Variants in UNC13A observed in about 807,000 individuals in gnomAD.
UNC13A encodes unc-13 homolog A, also known as protein unc-13 homolog A.
Under a neutral mutation model 219.7 loss-of-function variants are expected in UNC13A, and 61 were observed. The observed-to-expected ratio is 0.28, with a 90% CI of 0.23 to 0.34. The LOEUF is 0.34. UNC13A is among the 10% of genes least tolerant of loss of function. The pLI is 1.00. For missense variants in UNC13A, 1,476 were observed against 2,270.3 expected (o/e 0.65, Z 7.11); for synonymous variants, 920 against 884.6 (o/e 1.04, Z -0.71).
chr19:17,658,953 A>G (rs1286980309), intron 8 of UNC13A, among the ~76,000 whole-genome samples: 1 of 152,136 alleles, frequency 6.6e-6, no homozygotes, highest in East Asian at 1.9e-4. Context: ...TTCCTTAGAA[A>G]AAAGAACAGT....
intron 40 of UNC13A, 81 bp from the exon 41 acceptor site, chr19:17,617,930 A>G: frequency 6.5e-7 from 1 of 1,546,618 alleles, no homozygotes; most frequent in Non-Finnish European, 8.8e-7. Context: ...TGCTGTCCCC[A>G]CTCCCAATTC....
chr19:17,677,099 GGGA>G (rs2079913202), intron 1 of UNC13A, among the ~76,000 whole-genome samples: 1 of 152,072 alleles, frequency 6.6e-6, no homozygotes, highest in Non-Finnish European at 1.5e-5. Flanking sequence ...ACCTGCTTGT[GGGA>G]GGTGTAACCT....
At position 17,653,329 on chromosome 19, in the gene UNC13A, A is replaced by AATATATAT. The variant is rs58439414; in HGVS notation, c.1393-660_1393-653dup. Among the ~76,000 whole-genome samples, 861 of 148,588 alleles carry AATATATAT rather than the reference A, an allele frequency of 5.8e-3. 7 individuals carry two copies. The highest frequency in any genetic ancestry group is 0.016 in the African/African-American group (659 of 40,556). On this transcript the variant is annotated intron_variant, in intron 11 of 43. Transcript: ENST00000519716. ...GCCACCACACTCAGCTCCTGAAATA[A>AATATATAT]ATATATATATATATATTTTGTTTGT...
intron 29 of UNC13A, 89 bp from the exon 30 acceptor site, chr19:17,630,377 C>A: frequency 6.6e-7 from 1 of 1,509,440 alleles, no homozygotes; most frequent in South Asian, 1.3e-5. Context: ...CGGGGAGAGC[C>A]AGAGACCAAT....
At chr19:17,678,278 A>G (rs2079938798) in intron 1 of UNC13A, among the ~76,000 whole-genome samples, 2 of 152,208 alleles carry the variant, frequency 1.3e-5, no homozygotes, top group Admixed American at 6.5e-5. Flanking sequence ...CAGGAGTTCG[A>G]GACCAGCCTG....
intron 43 of UNC13A, among the ~76,000 whole-genome samples, chr19:17,608,700 T>G (rs945139783): frequency 6.6e-6 from 1 of 151,326 alleles, no homozygotes; most frequent in Admixed American, 6.6e-5. Context: ...GTATTTTTAG[T>G]AGAGACGGGG....
chr19:17,683,940 A>G (rs1282082000), intron 1 of UNC13A, among the ~76,000 whole-genome samples: 2 of 151,980 alleles, frequency 1.3e-5, no homozygotes, highest in African/African-American at 4.8e-5. Context: ...AATTAAAAAG[A>G]AAAAAGTCAG....
At chr19:17,647,533 G>C in intron 16 of UNC13A, 41 bp from the exon 17 acceptor site, 1 of 1,581,936 alleles carries the variant, frequency 6.3e-7, no homozygotes. Flanking sequence ...AGCGCGCCCT[G>C]CATAGTGGCC....
At chr19:17,618,588 G>A in intron 39 of UNC13A, 87 bp from the exon 40 acceptor site, 2 of 1,341,652 alleles carry the variant, frequency 1.5e-6, no homozygotes, top group Non-Finnish European at 2.1e-6. Flanking sequence ...TGTTCAACTT[G>A]GAGGAGCTGG....
intron 7 of UNC13A, among the ~76,000 whole-genome samples, chr19:17,663,864 C>T (rs572477735): frequency 9.1e-4 from 139 of 152,132 alleles, no homozygotes; most frequent in African/African-American, 3.0e-3. Context: ...GGTGCAATCA[C>T]GGCTTACTGC....
In UNC13A at chr19:17,688,189, A is replaced by G. The variant is rs1415013292; in HGVS notation, c.11T>C (p.Leu4Pro). 2 of 1,517,568 alleles carry G rather than the reference A, an allele frequency of 1.3e-6. No individual in the cohort carries two copies. The highest frequency in any genetic ancestry group is 1.8e-6 in the Non-Finnish European group (2 of 1,133,114). The allele number at this position is 1,517,568 out of a possible 1,614,324, so 94.0% of individuals were successfully genotyped here. The change falls in exon 1 of 44, where the codon CTT becomes CCT. Residue 4 changes from leucine to proline, a missense_variant. By Grantham distance (98) the Leu-to-Pro change is moderately conservative. Coordinates refer to ENST00000519716, the MANE Select transcript of UNC13A (RefSeq NM_001080421.3). MSL[L>P]CVGVKKAKFD... ...GCCTCGCCTCCTACCTCCAACGCAA[A>G]GCAGAGACATGTCTCCGAGCTCGCA...
intron 21 of UNC13A, among the ~76,000 whole-genome samples, chr19:17,640,953 A>G (rs747196261): frequency 7.0e-6 from 1 of 143,672 alleles, no homozygotes; most frequent in Non-Finnish European, 1.5e-5. Context: ...ATCTCGGCTC[A>G]CTGCAACCCC....
intron 28 of UNC13A, among the ~76,000 whole-genome samples, chr19:17,632,178 T>C (rs1034937476): frequency 1.6e-4 from 24 of 152,344 alleles, no homozygotes; most frequent in African/African-American, 5.5e-4. Context: ...CCCAAAGTGC[T>C]GAGATTACAG....
intron 6 of UNC13A, among the ~76,000 whole-genome samples, 175 bp from the exon 7 acceptor site, chr19:17,666,879 CACGAGAGAGAGA>C (rs776413683): frequency 0.04 from 4,603 of 116,406 alleles, 84 homozygotes; most frequent in Non-Finnish European, 0.057. Flanking sequence ...CACACACACA[CACGAGAGAGAGA>C]GAGAGAGAGA....
rs146961647 is a variant in UNC13A at position 17,660,766 on chromosome 19, A to G, written c.560-2497T>C. On this transcript the variant is annotated intron_variant, in intron 8 of 43. Transcript: ENST00000519716. Reference sequence around the variant, plus strand: ...AGGCTGGTCTCGAACTCCTGACCTCAAGTGATCTGCCTACCTCGGCCTCCC... The same window carrying G: ...AGGCTGGTCTCGAACTCCTGACCTCGAGTGATCTGCCTACCTCGGCCTCCC... Among the ~76,000 whole-genome samples, 578 of 151,904 alleles carry G rather than the reference A, an allele frequency of 3.8e-3. 9 individuals carry two copies. Among genetic ancestry groups the G allele is most frequent in the East Asian group, 0.03 (157 of 5,170 alleles).
chr19:17,611,135 G>A (rs918159727), intron 42 of UNC13A, among the ~76,000 whole-genome samples: 1 of 152,186 alleles, frequency 6.6e-6, no homozygotes, highest in South Asian at 2.1e-4. Context: ...ATATCAGCTC[G>A]AGGCTGGTTG....
chr19:17,618,339 C>G, intron 40 of UNC13A, 82 bp downstream of exon 40: 2 of 1,407,318 alleles, frequency 1.4e-6, no homozygotes, highest in East Asian at 5.0e-5. Context: ...AATGTGGGTC[C>G]GAGGCGAGCC....
rs762949771 is a variant in UNC13A, at chr19:17,629,228, C to T, written c.3753+12G>A. 13 of 1,601,672 alleles carry T rather than the reference C, an allele frequency of 8.1e-6. No homozygotes were observed. Among genetic ancestry groups the T allele is most frequent in the Non-Finnish European group, 1.1e-5 (13 of 1,174,832 alleles). ...TGAGGAGGGAGATAGGTCAGGGGCC[C>T]CCTCAGGTCACCACTTTCTCCTTCT... On this transcript the variant is annotated intron_variant, in intron 31 of 43. Transcript: ENST00000519716.
At chr19:17,607,752 A>G (rs2076549504) in intron 43 of UNC13A, among the ~76,000 whole-genome samples, 1 of 151,812 alleles carries the variant, frequency 6.6e-6, no homozygotes, top group South Asian at 2.1e-4. Context: ...TCTCCTAAGA[A>G]CATCCAACAA....
Sources: gnomAD v4.1 joint callset for allele counts (sites outside exome capture counted in the v4.1 genomes callset) on GRCh38, gnomAD v4.1.1 for gene constraint, MANE v1.5 for transcripts, NCBI Gene and HGNC (gene_info 2026-07-23, HGNC 2026-07-21) for gene names.